POLR3K: variants seen among roughly 807,000 people sequenced by gnomAD.
POLR3K encodes DNA-directed RNA polymerase III subunit RPC10.
POLR3K carries 11 observed loss-of-function variants against 13.5 expected under a neutral mutation model. That is an observed-to-expected ratio of 0.81 (90% CI 0.51 to 1.35). The LOEUF (loss-of-function observed/expected upper bound fraction) is 1.35. Among genes scored for constraint, POLR3K ranks in the 40% most tolerant of loss-of-function variants. POLR3K has a pLI of 0.00. For synonymous variants in POLR3K, 56 were observed against 51.5 expected, an observed-to-expected ratio of 1.09 and a Z score of -0.38; for missense variants, 144 against 145.3, an observed-to-expected ratio of 0.99 and a Z score of 0.05.
intron 1 of POLR3K, 42 bp from the exon 2 acceptor site, chr16:51,687 G>T: frequency 6.6e-7 from 1 of 1,509,272 alleles, no homozygotes; most frequent in Non-Finnish European, 9.2e-7. Context: ...ACTGAATAGC[G>T]CAAACCTGGG....
Position 46,678 on chromosome 16 carries a change from C to T in POLR3K, c.*752G>A, listed in dbSNP as rs1897285960. The T allele has an allele frequency of 6.6e-6, 1 of 151,844 alleles. No homozygotes were observed. The highest frequency in any genetic ancestry group is 2.4e-5 in the African/African-American group (1 of 41,316). The allele number at this position is 151,844 out of a possible 1,614,324, so 9.4% of individuals were successfully genotyped here. A position where few individuals can be genotyped will look rare whatever the true frequency, so the allele number is the denominator to read the frequency against. ...GGCAGAGGTTGCAGTGAGCTGAATTCGTACCACTGCACTCCAGCCTGGGCG... is the reference window on the plus strand; with the variant it reads ...GGCAGAGGTTGCAGTGAGCTGAATTTGTACCACTGCACTCCAGCCTGGGCG... On this transcript the variant is annotated 3_prime_UTR_variant, in exon 3 of 3. Coordinates refer to ENST00000293860, the MANE Select transcript of POLR3K (RefSeq NM_016310.5).
At position 47,255 on chromosome 16, in the gene POLR3K, C is replaced by T. The variant is rs371666008; in HGVS notation, c.*175G>A. ...ACTCCCAGACATTCATGACTTCATC[C>T]ACCCTGCCTGGCAGATAGGCCATAT... is the stretch of plus-strand genomic sequence containing the variant. On this transcript the variant is annotated 3_prime_UTR_variant, in exon 3 of 3. Coordinates refer to ENST00000293860, the MANE Select transcript of POLR3K (RefSeq NM_016310.5). The T allele has an allele frequency of 1.2e-4, 86 of 708,282 alleles. No individual in the cohort carries two copies. Among genetic ancestry groups the T allele is most frequent in the Non-Finnish European group, 1.7e-4 (82 of 474,514 alleles). 43.9% of individuals were successfully genotyped at this position (708,282 alleles called of 1,614,324 possible).
intron 2 of POLR3K, among the ~76,000 whole-genome samples, chr16:51,146 C>T (rs946019789): frequency 6.6e-6 from 1 of 152,150 alleles, no homozygotes; most frequent in African/African-American, 2.4e-5. Flanking sequence ...AAAGAACATA[C>T]TTTTTTCCTT....
In POLR3K at chr16:51,658, AC is replaced by A; in HGVS notation, c.112-14del. On this transcript the variant is annotated splice_polypyrimidine_tract_variant and intron_variant, in intron 1 of 2. Transcript: ENST00000293860. ...TCCGATTTGTTACCTAACAAAAACAACACTTCAGACTCCAAGTAACTGAATA... is the reference window on the plus strand; with the variant it reads ...TCCGATTTGTTACCTAACAAAAACAAACTTCAGACTCCAAGTAACTGAATA... The A allele has an allele frequency of 1.2e-6, 2 of 1,604,012 alleles. No individual in the cohort carries two copies. Among genetic ancestry groups the A allele is most frequent in the Non-Finnish European group, 1.7e-6 (2 of 1,170,842 alleles).
chr16:47,271 T>C lies in POLR3K; in HGVS notation c.*159A>G, dbSNP rs1417237474. ...GACTTCATCCACCCTGCCTGGCAGA[T>C]AGGCCATATTTCCTGACCCCCTGGC... On this transcript the variant is annotated 3_prime_UTR_variant, in exon 3 of 3. Coordinates refer to ENST00000293860, the MANE Select transcript of POLR3K (RefSeq NM_016310.5). The C allele has an allele frequency of 3.4e-6, 3 of 876,876 alleles. No homozygotes were observed. The highest frequency in any genetic ancestry group is 3.8e-4 in the Middle Eastern group (1 of 2,600). The allele number at this position is 876,876 out of a possible 1,614,324, so 54.3% of individuals were successfully genotyped here. A position where few individuals can be genotyped will look rare whatever the true frequency, so the allele number is the denominator to read the frequency against.
At chr16:51,527 G>A in intron 2 of POLR3K, 31 bp downstream of exon 2, 1 of 1,571,420 alleles carries the variant, frequency 6.4e-7, no homozygotes, top group Non-Finnish European at 8.8e-7. Flanking sequence ...ATTATCCACA[G>A]TTTAGCAACA....
At chr16:50,054 G>A (rs1311079569) in intron 2 of POLR3K, among the ~76,000 whole-genome samples, 2 of 151,912 alleles carry the variant, frequency 1.3e-5, no homozygotes, top group Admixed American at 6.6e-5. Context: ...CACTTCCCGG[G>A]TTCAAGCGAT....
intron 1 of POLR3K, among the ~76,000 whole-genome samples, chr16:52,368 AC>A (rs1897341403): frequency 6.8e-6 from 1 of 148,046 alleles, no homozygotes; most frequent in Non-Finnish European, 1.5e-5. Context: ...AATTGCTTGA[AC>A]CCGGGAGGCA....
intron 2 of POLR3K, among the ~76,000 whole-genome samples, chr16:48,533 C>T (rs891950712): frequency 1.3e-5 from 2 of 151,972 alleles, no homozygotes; most frequent in Admixed American, 6.6e-5. Context: ...CATTAAGGGC[C>T]GGGCGCGGTG....
intron 2 of POLR3K, among the ~76,000 whole-genome samples, chr16:50,460 G>T (rs1032415987): frequency 3.3e-5 from 5 of 152,146 alleles, no homozygotes; most frequent in Admixed American, 1.3e-4. Flanking sequence ...TATTAGAAGC[G>T]TGTATTAGTC....
chr16:51,616 T>C lies in POLR3K; in HGVS notation c.141A>G (p.Lys47=), dbSNP rs1207718659. The C allele has an allele frequency of 1.2e-5, 20 of 1,614,140 alleles. No individual in the cohort carries two copies. Among genetic ancestry groups the C allele is most frequent in the Non-Finnish European group, 1.7e-5 (20 of 1,179,996 alleles). Residue 47 remains lysine, a synonymous_variant, in exon 2 of 3, where the codon AAA becomes AAG. Coordinates refer to ENST00000293860, the MANE Select transcript of POLR3K (RefSeq NM_016310.5). The part of the protein sequence containing the change: ...KVTNRKYPKL[K]EVDDVLGGAA... The stretch of plus-strand genomic sequence containing the variant: ...CTCCACCAAGCACATCATCCACTTC[T>C]TTCAGTTTTGGGTACTTCCGATTTG...
At chr16:51,307 G>A (rs1263164565) in intron 2 of POLR3K, among the ~76,000 whole-genome samples, 1 of 103,940 alleles carries the variant, frequency 9.6e-6, no homozygotes, top group Non-Finnish European at 2.3e-5. Flanking sequence ...AGAGACCCAA[G>A]GAAGGTCCTA....
Position 51,552 on chromosome 16 carries a change from T to A in POLR3K, c.199+6A>T, listed in dbSNP as rs1302964634. 1 of 1,610,824 alleles carries A rather than the reference T, an allele frequency of 6.2e-7. No individual in the cohort carries two copies. The highest frequency in any genetic ancestry group is 1.3e-5 in the African/African-American group (1 of 74,870). On this transcript the variant is annotated splice_donor_region_variant and intron_variant, in intron 2 of 2. Transcript: ENST00000293860. ...GTTTAGCAACAGAAACAGTTTTCCC[T>A]CTTACCTGCAGTAGAGTCAACATTC...
In POLR3K at chr16:53,494, C is replaced by A; in HGVS notation, c.93G>T (p.Val31=). Residue 31 remains valine, a synonymous_variant, in exon 1 of 3, where the codon GTG becomes GTT. Coordinates refer to ENST00000293860, the MANE Select transcript of POLR3K (RefSeq NM_016310.5). The stretch of plus-strand genomic sequence containing the variant: ...GTCCCACCTTGCGGGTGATGTTGTG[C>A]ACGTAGGGGCACGTGTTGCAGGCGA... ...HRFACNTCPY[V]HNITRKVTNR... is the part of the protein sequence containing the mutation. The A allele has an allele frequency of 6.2e-7, 1 of 1,612,220 alleles. No individual in the cohort carries two copies. Among genetic ancestry groups the A allele is most frequent in the Non-Finnish European group, 8.5e-7 (1 of 1,179,312 alleles).
chr16:50,351 C>A (rs557504854), intron 2 of POLR3K, among the ~76,000 whole-genome samples: 10 of 152,282 alleles, frequency 6.6e-5, no homozygotes, highest in African/African-American at 1.2e-4. Context: ...CTTCCCCTTT[C>A]CTCTCCTGGC....
intron 2 of POLR3K, among the ~76,000 whole-genome samples, chr16:49,859 C>T (rs1015635777): frequency 1.3e-5 from 2 of 152,026 alleles, no homozygotes; most frequent in Non-Finnish European, 2.9e-5. Flanking sequence ...AGGATGGTCT[C>T]GATGTCTTGA....
At position 47,393 on chromosome 16, in the gene POLR3K, G is replaced by A; in HGVS notation, c.*37C>T. On this transcript the variant is annotated 3_prime_UTR_variant, in exon 3 of 3. Coordinates refer to ENST00000293860, the MANE Select transcript of POLR3K (RefSeq NM_016310.5). ...GCTAAGCATCTACCCCGAGGGACAAGGCAAGCACACACTAGGGCAGCTGGG... is the reference window on the plus strand; with the variant it reads ...GCTAAGCATCTACCCCGAGGGACAAAGCAAGCACACACTAGGGCAGCTGGG... The A allele has an allele frequency of 2.5e-6, 4 of 1,604,110 alleles. No individual in the cohort carries two copies. The highest frequency in any genetic ancestry group is 3.4e-6 in the Non-Finnish European group (4 of 1,173,760).
At position 53,525 on chromosome 16, in the gene POLR3K, T is replaced by C. The variant is rs1184382010; in HGVS notation, c.62A>G (p.His21Arg). 5 of 1,613,182 alleles carry C rather than the reference T, an allele frequency of 3.1e-6. No homozygotes were observed. Among genetic ancestry groups the C allele is most frequent in the Non-Finnish European group, 4.2e-6 (5 of 1,179,756 alleles). The change falls in exon 1 of 3, where the codon CAC (histidine) becomes CGC (arginine). Residue 21 changes from histidine to arginine, a missense_variant. His to Arg is a conservative substitution (Grantham distance 29, BLOSUM62 0). Coordinates refer to ENST00000293860, the MANE Select transcript of POLR3K (RefSeq NM_016310.5). ...GGGGCACGTGTTGCAGGCGAAGCGG[T>C]GGCAGCGTTGTCCCTCCTCCACGAT... ...GLIVEEGQRC[H>R]RFACNTCPYV...
chr16:47,686 A>C, intron 2 of POLR3K, 129 bp from the exon 3 acceptor site: 1 of 872,992 alleles, frequency 1.1e-6, no homozygotes, highest in Non-Finnish European at 1.6e-6. Context: ...GTTCGAGACC[A>C]TCCTGGCCAA....
Sources: gnomAD v4.1 joint callset for allele counts (sites outside exome capture counted in the v4.1 genomes callset) on GRCh38, gnomAD v4.1.1 for gene constraint, MANE v1.5 for transcripts, NCBI Gene and HGNC (gene_info 2026-07-23, HGNC 2026-07-21) for gene names.